Variants in SRSF3 observed in about 807,000 individuals in gnomAD.
SRSF3 encodes serine and arginine rich splicing factor 3, also known as serine/arginine-rich splicing factor 3.
For synonymous variants in SRSF3, 87 were observed against 73.6 expected (o/e 1.18, Z -0.93); for missense variants, 58 against 217.1 (o/e 0.27, Z 4.61).
rs1025715136 is a variant in SRSF3, at chr6:36,603,332, A to G, written c.*1343A>G. ...CAATATGGTTCAAATGTAACAGTGC[A>G]GAATTGAATATGGAGGCATGCATAA... On this transcript the variant is annotated 3_prime_UTR_variant, in exon 6 of 6. Transcript: ENST00000373715. 8.9e-6 allele frequency: 2 copies of G among 224,916 alleles called. No individual in the cohort carries two copies. The highest frequency in any genetic ancestry group is 8.9e-6 in the Non-Finnish European group (1 of 112,640). The allele number at this position is 224,916 out of a possible 1,614,324, so 13.9% of individuals were successfully genotyped here.
At chr6:36,597,937 C>T (rs890363832) in intron 2 of SRSF3, among the ~76,000 whole-genome samples, 4 of 152,094 alleles carry the variant, frequency 2.6e-5, no homozygotes, top group African/African-American at 7.2e-5. Context: ...TCAAGCCATC[C>T]TCCTGCCTCA....
Position 36,598,965 on chromosome 6 carries a change from GTCC to G in SRSF3, c.327_329del (p.Pro111del), listed in dbSNP as rs750313584. On this transcript the variant is annotated inframe_deletion, in exon 3 of 6. Transcript: ENST00000373715. ...CCTCGAGATGATTATCGTAGGAGGA[GTCC>G]TCCACCTCGTCGCAGGTACTTGAGA... is the stretch of plus-strand genomic sequence containing the variant. The G allele has an allele frequency of 1.9e-6, 3 of 1,614,204 alleles. No homozygotes were observed. Among genetic ancestry groups the G allele is most frequent in the South Asian group, 2.2e-5 (2 of 91,082 alleles).
At chr6:36,601,907 T>G in intron 5 of SRSF3, 55 bp from the exon 6 acceptor site, 2 of 1,586,420 alleles carry the variant, frequency 1.3e-6, no homozygotes, top group Non-Finnish European at 1.7e-6. Context: ...GTCACTAAAG[T>G]GTCACCAAGT....
At position 36,602,216 on chromosome 6, in the gene SRSF3, T is replaced by C; in HGVS notation, c.*227T>C. ...AATACCAAGAATTGTTACTTTACAA[T>C]GTTCCCTTAAGCAAAATTGAATTTG... On this transcript the variant is annotated 3_prime_UTR_variant, in exon 6 of 6. Transcript: ENST00000373715. 1.2e-6 allele frequency: 1 copy of C among 866,096 alleles called. No homozygotes were observed. The highest frequency in any genetic ancestry group is 1.6e-6 in the Non-Finnish European group (1 of 616,690). 53.7% of individuals were successfully genotyped at this position (866,096 alleles called of 1,614,324 possible).
At chr6:36,596,007 C>T (rs1197425760) in intron 1 of SRSF3, among the ~76,000 whole-genome samples, 1 of 152,132 alleles carries the variant, frequency 6.6e-6, no homozygotes. Flanking sequence ...TCACTGCCAC[C>T]TCCGCCTCGC....
At position 36,598,864 on chromosome 6, in the gene SRSF3, C is replaced by T; in HGVS notation, c.222C>T (p.Cys74=). Reference sequence around the variant, plus strand: ...GCCCCCTCAGAACACTATGTGGCTGCCGTGTAAGAGTGGAACTGTCGAATG... The same window carrying T: ...GCCCCCTCAGAACACTATGTGGCTGTCGTGTAAGAGTGGAACTGTCGAATG... ...RELDGRTLCG[C]RVRVELSNGE... Residue 74 remains cysteine (C), a synonymous_variant, in exon 3 of 6, where the codon TGC becomes TGT. Transcript: ENST00000373715. 1.9e-6 allele frequency: 3 copies of T among 1,613,046 alleles called. No homozygotes were observed. Among genetic ancestry groups the T allele is most frequent in the Middle Eastern group, 1.9e-4 (1 of 5,394 alleles).
intron 3 of SRSF3, chr6:36,599,669 G>C (rs961202720): frequency 1.5e-4 from 80 of 533,944 alleles, no homozygotes; most frequent in Non-Finnish European, 2.5e-4. Context: ...TCAAAATCTT[G>C]CCCCTTTTGC....
At chr6:36,601,538 C>A in intron 4 of SRSF3, 170 bp from the exon 5 acceptor site, 1 of 645,018 alleles carries the variant, frequency 1.6e-6, no homozygotes, top group Non-Finnish European at 2.7e-6. Context: ...GAGATGGGAT[C>A]TCACTTTGTT....
At chr6:36,595,454 T>TC (rs995704125) in intron 1 of SRSF3, among the ~76,000 whole-genome samples, 5 of 152,068 alleles carry the variant, frequency 3.3e-5, no homozygotes, top group South Asian at 2.1e-4. Context: ...TTCCGTCACC[T>TC]CCCCCCGCAG....
intron 1 of SRSF3, 150 bp downstream of exon 1, chr6:36,594,631 C>T (rs1457370698): frequency 6.6e-6 from 1 of 152,346 alleles, no homozygotes; most frequent in Non-Finnish European, 1.5e-5. Flanking sequence ...GCTCCCGGCC[C>T]ATCGGAGGGT....
rs1450510646 is a variant in SRSF3, at chr6:36,602,444, G to C, written c.*455G>C. On this transcript the variant is annotated 3_prime_UTR_variant, in exon 6 of 6. Transcript: ENST00000373715. ...ACTGCTGTGAAACACAGGCCATCAGGGAAAACGAAATGCTGCACTATTAAA... is the reference window on the plus strand; with the variant it reads ...ACTGCTGTGAAACACAGGCCATCAGCGAAAACGAAATGCTGCACTATTAAA... 4.4e-6 allele frequency: 1 copy of C among 228,752 alleles called. No individual in the cohort carries two copies. Among genetic ancestry groups the C allele is most frequent in the Non-Finnish European group, 8.6e-6 (1 of 115,800 alleles). 14.2% of individuals were successfully genotyped at this position (228,752 alleles called of 1,614,324 possible).
At chr6:36,601,297 AGT>A in intron 4 of SRSF3, 107 bp downstream of exon 4, 3 of 1,062,722 alleles carry the variant, frequency 2.8e-6, no homozygotes, top group Non-Finnish European at 4.2e-6. Context: ...TGGCTTTAAT[AGT>A]GAATCAAGTT....
intron 3 of SRSF3, 33 bp from the exon 4 acceptor site, chr6:36,601,119 T>C (rs1240173945): frequency 6.2e-7 from 1 of 1,600,738 alleles, no homozygotes; most frequent in African/African-American, 1.4e-5. Flanking sequence ...TACTAATTGA[T>C]GATGAGCCTA....
rs1053167463 is a variant in SRSF3 at position 36,605,116 on chromosome 6, C to G, written c.*3127C>G. On this transcript the variant is annotated 3_prime_UTR_variant, in exon 6 of 6. Coordinates refer to ENST00000373715, the MANE Select transcript of SRSF3 (RefSeq NM_003017.5). ...TTATGTCCACTCTAATTTTTTTCAT[C>G]CTGTTTTATTAGGGGGATTCATCGG... 1.3e-5 allele frequency: 2 copies of G among 151,922 alleles called. No individual in the cohort carries two copies. The highest frequency in any genetic ancestry group is 2.9e-5 in the Non-Finnish European group (2 of 67,980). 9.4% of individuals were successfully genotyped at this position (151,922 alleles called of 1,614,324 possible). A position where few individuals can be genotyped will look rare whatever the true frequency, so the allele number is the denominator to read the frequency against.
At position 36,604,399 on chromosome 6, in the gene SRSF3, A is replaced by G. The variant is rs1031892898; in HGVS notation, c.*2410A>G. On this transcript the variant is annotated 3_prime_UTR_variant, in exon 6 of 6. Transcript: ENST00000373715. ...GCGGGTGGGAGGATCTCTTGAAGCC[A>G]GGAGTTGGAGACCAGTCTGCCCAAC... 8.4e-5 allele frequency: 17 copies of G among 201,716 alleles called. No homozygotes were observed. Among genetic ancestry groups the G allele is most frequent in the Admixed American group, 2.4e-4 (4 of 16,654 alleles). 12.5% of individuals were successfully genotyped at this position (201,716 alleles called of 1,614,324 possible). A position where few individuals can be genotyped will look rare whatever the true frequency, so the allele number is the denominator to read the frequency against.
chr6:36,602,075 T>C lies in SRSF3; in HGVS notation c.*86T>C. The C allele has an allele frequency of 6.4e-7, 1 of 1,550,962 alleles. No individual in the cohort carries two copies. The highest frequency in any genetic ancestry group is 1.2e-5 in the South Asian group (1 of 80,752). On this transcript the variant is annotated 3_prime_UTR_variant, in exon 6 of 6. Transcript: ENST00000373715. ...AGAAAATTCAAGTTTTGTTTGAGAC[T>C]TCATAAGCTTGGTGCATTTTTAAGA...
chr6:36,601,815 T>C, intron 5 of SRSF3, 21 bp downstream of exon 5: 1 of 1,604,868 alleles, frequency 6.2e-7, no homozygotes, highest in Non-Finnish European at 8.5e-7. Flanking sequence ...TGATAACTTG[T>C]ATTTAAGACT....
At chr6:36,595,619 T>C (rs766240155) in intron 1 of SRSF3, among the ~76,000 whole-genome samples, 6 of 152,214 alleles carry the variant, frequency 3.9e-5, no homozygotes, top group Non-Finnish European at 8.8e-5. Flanking sequence ...TTCTTTAACT[T>C]AGCGTAATGT....
intron 1 of SRSF3, 181 bp downstream of exon 1, chr6:36,594,662 G>C (rs1243134429): frequency 6.6e-6 from 1 of 152,302 alleles, no homozygotes. Flanking sequence ...TGGAGTGGAA[G>C]TCTTTATATT....
Sources: gnomAD v4.1 joint callset for allele counts (sites outside exome capture counted in the v4.1 genomes callset) on GRCh38, gnomAD v4.1.1 for gene constraint, MANE v1.5 for transcripts, NCBI Gene and HGNC (gene_info 2026-07-23, HGNC 2026-07-21) for gene names.